XKR4: variants seen among roughly 807,000 people sequenced by gnomAD.
XKR4 encodes XK related 4.
Under a neutral mutation model 53.9 loss-of-function variants are expected in XKR4, and 12 were observed. That is an observed-to-expected ratio of 0.22 (90% CI 0.14 to 0.36). XKR4 has a LOEUF of 0.36. Among genes scored for constraint, XKR4 ranks in the 10% least tolerant of loss-of-function variants. The pLI, the probability that XKR4 is intolerant of heterozygous loss-of-function variation, is 1.00. For synonymous variants in XKR4, 354 were observed against 362.4 expected, an observed-to-expected ratio of 0.98 and a Z score of 0.26; for missense variants, 799 against 859.5, an observed-to-expected ratio of 0.93 and a Z score of 0.88.
At chr8:55,418,199 C>T (rs2658897) in intron 2 of XKR4, among the ~76,000 whole-genome samples, 87,244 of 152,002 alleles carry the variant, frequency 0.57, 27,735 homozygotes, top group African/African-American at 0.86. Flanking sequence ...TTGGATTAGA[C>T]ACAGGCTGTA....
intron 1 of XKR4, among the ~76,000 whole-genome samples, chr8:55,283,675 A>C (rs561480366): frequency 1.3e-5 from 2 of 152,214 alleles, no homozygotes; most frequent in Non-Finnish European, 2.9e-5. Context: ...CTTGAGAAAT[A>C]AACTCCAATA....
intron 2 of XKR4, among the ~76,000 whole-genome samples, chr8:55,521,562 AAAAAG>A (rs771262797): frequency 2.6e-5 from 4 of 152,204 alleles, no homozygotes; most frequent in Non-Finnish European, 5.9e-5. Flanking sequence ...TGCTAGCCAG[AAAAAG>A]AAAAGAAAAG....
At chr8:55,308,876 G>C (rs1005018752) in intron 1 of XKR4, among the ~76,000 whole-genome samples, 2 of 152,180 alleles carry the variant, frequency 1.3e-5, no homozygotes, top group South Asian at 4.1e-4. Flanking sequence ...AATTAAGATT[G>C]CTTATCAGCT....
chr8:55,143,978 TG>T (rs1816739023), intron 1 of XKR4, among the ~76,000 whole-genome samples: 1 of 152,180 alleles, frequency 6.6e-6, no homozygotes, highest in African/African-American at 2.4e-5. Context: ...TACAACAACT[TG>T]GCCCCTTTCT....
At chr8:55,181,649 C>A (rs1357364367) in intron 1 of XKR4, among the ~76,000 whole-genome samples, 2 of 152,016 alleles carry the variant, frequency 1.3e-5, no homozygotes, top group Non-Finnish European at 1.5e-5. Flanking sequence ...CCTGCTGCAT[C>A]CCTGCAGGCA....
At chr8:55,376,474 G>A (rs1804153538) in intron 2 of XKR4, among the ~76,000 whole-genome samples, 1 of 152,108 alleles carries the variant, frequency 6.6e-6, no homozygotes, top group South Asian at 2.1e-4. Flanking sequence ...TTTCTCTAAT[G>A]ATCAGTGATG....
intron 1 of XKR4, among the ~76,000 whole-genome samples, chr8:55,144,927 G>T (rs1353462222): frequency 6.6e-6 from 1 of 151,844 alleles, no homozygotes; most frequent in Non-Finnish European, 1.5e-5. Context: ...CACCTCCAGG[G>T]TTCAAGCGAT....
chr8:55,345,847 C>A (rs550252378), intron 1 of XKR4, among the ~76,000 whole-genome samples: 40 of 152,158 alleles, frequency 2.6e-4, no homozygotes, highest in Admixed American at 5.2e-4. Flanking sequence ...GGAAGACAGC[C>A]CCAACTGTCC....
intron 2 of XKR4, among the ~76,000 whole-genome samples, chr8:55,409,856 G>T (rs1804749526): frequency 6.6e-6 from 1 of 152,302 alleles, no homozygotes; most frequent in South Asian, 2.1e-4. Context: ...AATTCTGATT[G>T]CTGAGAAAGT....
At chr8:55,281,084 A>G (rs1818839389) in intron 1 of XKR4, among the ~76,000 whole-genome samples, 1 of 152,220 alleles carries the variant, frequency 6.6e-6, no homozygotes, top group Non-Finnish European at 1.5e-5. Flanking sequence ...ATGACAATAG[A>G]CACTAATGGA....
intron 1 of XKR4, among the ~76,000 whole-genome samples, chr8:55,196,436 G>T (rs578122552): frequency 3.3e-5 from 5 of 152,272 alleles, no homozygotes; most frequent in Non-Finnish European, 7.4e-5. Flanking sequence ...GCCCGCCTCA[G>T]CCTCCCAAAG....
At chr8:55,422,831 C>T (rs542737713) in intron 2 of XKR4, among the ~76,000 whole-genome samples, 36 of 152,068 alleles carry the variant, frequency 2.4e-4, no homozygotes, top group African/African-American at 7.7e-4. Flanking sequence ...GCATTGCATT[C>T]GTTTAATAAG....
At chr8:55,259,047 C>T (rs1226166310) in intron 1 of XKR4, among the ~76,000 whole-genome samples, 1 of 152,216 alleles carries the variant, frequency 6.6e-6, no homozygotes, top group Non-Finnish European at 1.5e-5. Context: ...CGTGTCCCTG[C>T]CTGCAGGGAA....
chr8:55,219,766 C>A (rs1297300256), intron 1 of XKR4, among the ~76,000 whole-genome samples: 2 of 152,152 alleles, frequency 1.3e-5, no homozygotes, highest in Non-Finnish European at 2.9e-5. Flanking sequence ...TTTTTATAAT[C>A]TTTACTCTTC....
intron 1 of XKR4, among the ~76,000 whole-genome samples, chr8:55,134,332 G>T (rs975940916): frequency 3.9e-5 from 6 of 152,196 alleles, no homozygotes; most frequent in Non-Finnish European, 7.3e-5. Context: ...GAAGCTATTT[G>T]TGTGTGCTCA....
At chr8:55,385,387 T>C (rs1804293508) in intron 2 of XKR4, among the ~76,000 whole-genome samples, 1 of 152,168 alleles carries the variant, frequency 6.6e-6, no homozygotes. Context: ...TTCAAGAATT[T>C]GCACATATAT....
At chr8:55,454,712 T>C (rs1805530363) in intron 2 of XKR4, 2 of 839,940 alleles carry the variant, frequency 2.4e-6, no homozygotes, top group Admixed American at 3.5e-5. Flanking sequence ...ACGGCATAGA[T>C]GAGGCCGAGG....
chr8:55,419,731 A>C (rs1804897190), intron 2 of XKR4, among the ~76,000 whole-genome samples: 1 of 152,160 alleles, frequency 6.6e-6, no homozygotes, highest in African/African-American at 2.4e-5. Flanking sequence ...TCAATAACTG[A>C]CCATTCTTTT....
At chr8:55,518,344 C>T (rs1806745844) in intron 2 of XKR4, among the ~76,000 whole-genome samples, 2 of 152,202 alleles carry the variant, frequency 1.3e-5, no homozygotes, top group Admixed American at 6.5e-5. Flanking sequence ...GTGGTTCTGG[C>T]TCTACATTTG....
Sources: allele counts gnomAD v4.1 joint callset (sites outside exome capture counted in the v4.1 genomes callset), GRCh38; gene constraint gnomAD v4.1.1; transcripts MANE v1.5; gene names NCBI Gene and HGNC (gene_info 2026-07-23, HGNC 2026-07-21).